Variants in TNNI3K observed in about 807,000 individuals in gnomAD.
TNNI3K encodes TNNI3 interacting kinase.
TNNI3K carries 140 observed loss-of-function variants against 114.5 expected under a neutral mutation model. The observed-to-expected ratio is 1.22, with a 90% CI of 1.07 to 1.41. The LOEUF (loss-of-function observed/expected upper bound fraction) is 1.41, where lower values mean the gene tolerates loss of function less well. TNNI3K is among the 40% of genes most tolerant of loss of function. The pLI, the probability that TNNI3K is intolerant of heterozygous loss-of-function variation, is 0.00. For missense variants in TNNI3K, 1,125 were observed against 1,007.6 expected (o/e 1.12, Z -1.58); for synonymous variants, 347 against 347.5 (o/e 1.00, Z 0.02).
At chr1:74,372,326 A>C (rs1662658339) in intron 17 of TNNI3K, 1 of 151,726 alleles carries the variant, frequency 6.6e-6, no homozygotes, top group Non-Finnish European at 1.5e-5. Flanking sequence ...GGCCTGATAA[A>C]TTTTGTGTTG....
chr1:74,344,961 G>A (rs1660923660), intron 9 of TNNI3K, among the ~76,000 whole-genome samples: 1 of 151,684 alleles, frequency 6.6e-6, no homozygotes, highest in African/African-American at 2.4e-5. Context: ...TTCTGTTGTG[G>A]TTTTCATATG....
chr1:74,266,784 A>T (rs1656019821), intron 4 of TNNI3K, among the ~76,000 whole-genome samples: 1 of 151,980 alleles, frequency 6.6e-6, no homozygotes, highest in Non-Finnish European at 1.5e-5. Context: ...TTAAGTAAGC[A>T]TTGTTTTAGA....
chr1:74,436,655 T>C (rs1266056121), intron 19 of TNNI3K, 129 bp downstream of exon 19: 3 of 879,266 alleles, frequency 3.4e-6, no homozygotes, highest in Non-Finnish European at 4.9e-6. Context: ...GGATAATGGC[T>C]TATGTCTTTA....
chr1:74,533,389 G>A (rs1259459537), intron 23 of TNNI3K, among the ~76,000 whole-genome samples: 2 of 152,084 alleles, frequency 1.3e-5, no homozygotes, highest in African/African-American at 2.4e-5. Flanking sequence ...TTAGAATGGC[G>A]ATCATTAAAA....
chr1:74,430,802 A>G (rs1164185216), intron 17 of TNNI3K, among the ~76,000 whole-genome samples: 2 of 152,290 alleles, frequency 1.3e-5, no homozygotes, highest in East Asian at 3.9e-4. Flanking sequence ...AGGGGAACAA[A>G]GATTCCTTTA....
At chr1:74,432,334 C>A (rs1482170468) in intron 17 of TNNI3K, among the ~76,000 whole-genome samples, 1 of 152,098 alleles carries the variant, frequency 6.6e-6, no homozygotes, top group Non-Finnish European at 1.5e-5. Flanking sequence ...TCATATATAA[C>A]AGAAGACTGC....
intron 4 of TNNI3K, among the ~76,000 whole-genome samples, chr1:74,265,865 C>T (rs1362425520): frequency 6.7e-6 from 1 of 149,846 alleles, no homozygotes; most frequent in Non-Finnish European, 1.5e-5. Flanking sequence ...TGTGCTCCAT[C>T]TGGTTGCACA....
intron 20 of TNNI3K, among the ~76,000 whole-genome samples, chr1:74,439,917 A>G (rs566082582): frequency 1.1e-3 from 164 of 152,064 alleles, no homozygotes; most frequent in Non-Finnish European, 1.5e-3. Flanking sequence ...GGCATGTGAG[A>G]GCAAATAAGG....
rs118064274 is a variant in TNNI3K, at chr1:74,471,157, A to G, written c.2121+7607A>G. ...GCCAGCTGAGTAACAGCTGCTTTCT[A>G]TAGAGCTCTGGTTGACTACACGCAA... On this transcript the variant is annotated intron_variant, in intron 21 of 24. Coordinates refer to ENST00000326637, the MANE Select transcript of TNNI3K (RefSeq NM_015978.3). 96 of 400,670 alleles carry G rather than the reference A, an allele frequency of 2.4e-4. No homozygotes were observed. The East Asian group carries it at 2.9e-3, about 12-fold the overall frequency. 24.8% of individuals were successfully genotyped at this position (400,670 alleles called of 1,614,324 possible).
rs45484191 is a variant in TNNI3K at position 74,321,364 on chromosome 1, T to C, written c.445-10086T>C. ...TCTGCTTCTTAGATGAGTCTTTTCT[T>C]TCGCTTTCTGGCTCCCTTCCTCCCC... On this transcript the variant is annotated intron_variant, in intron 5 of 24. Coordinates refer to ENST00000326637, the MANE Select transcript of TNNI3K (RefSeq NM_015978.3). 5.6e-3 allele frequency among the ~76,000 whole-genome samples: 849 copies of C among 152,260 alleles called. 11 individuals are homozygous for C. Among genetic ancestry groups the C allele is most frequent in the African/African-American group, 0.02 (822 of 41,554 alleles).
intron 23 of TNNI3K, among the ~76,000 whole-genome samples, chr1:74,511,487 G>A (rs576601585): frequency 6.6e-5 from 10 of 152,114 alleles, no homozygotes; most frequent in African/African-American, 2.2e-4. Flanking sequence ...TTACTTACAG[G>A]TGGAAAACAC....
intron 7 of TNNI3K, among the ~76,000 whole-genome samples, chr1:74,336,862 A>C (rs1660498876): frequency 1.3e-5 from 2 of 152,250 alleles, no homozygotes; most frequent in South Asian, 4.1e-4. Context: ...TTGGGTATAT[A>C]CCCAGTAATG....
rs181859869 is a variant in TNNI3K at position 74,337,994 on chromosome 1, G to T, written c.682+1845G>T. Among the ~76,000 whole-genome samples, 238 of 151,986 alleles carry T rather than the reference G, an allele frequency of 1.6e-3. 1 individual carries two copies. Among genetic ancestry groups the T allele is most frequent in the African/African-American group, 5.6e-3 (233 of 41,478 alleles). On this transcript the variant is annotated intron_variant, in intron 7 of 24. Coordinates refer to ENST00000326637, the MANE Select transcript of TNNI3K (RefSeq NM_015978.3). ...GTGTTTTTCTATTATGAATACAATT[G>T]CCAGTAACATTCTTATTCACGTCTT... is the stretch of plus-strand genomic sequence containing the variant.
chr1:74,510,244 C>G (rs1195008851), intron 23 of TNNI3K, among the ~76,000 whole-genome samples: 1 of 152,150 alleles, frequency 6.6e-6, no homozygotes, highest in Non-Finnish European at 1.5e-5. Context: ...CAGTGGCTCA[C>G]GCCTGTAATC....
At chr1:74,251,472 A>C (rs1654925143) in intron 4 of TNNI3K, among the ~76,000 whole-genome samples, 1 of 152,232 alleles carries the variant, frequency 6.6e-6, no homozygotes, top group African/African-American at 2.4e-5. Flanking sequence ...TTTAGTCATT[A>C]AAATAACTGC....
chr1:74,504,837 C>T (rs939646236), intron 23 of TNNI3K, among the ~76,000 whole-genome samples: 1 of 152,190 alleles, frequency 6.6e-6, no homozygotes, highest in Non-Finnish European at 1.5e-5. Flanking sequence ...CTAAAATGCA[C>T]TCCCTCCTAA....
intron 9 of TNNI3K, among the ~76,000 whole-genome samples, chr1:74,345,009 G>A (rs771640236): frequency 9.9e-5 from 15 of 151,846 alleles, no homozygotes; most frequent in East Asian, 7.8e-4. Context: ...GTATATATAT[G>A]TACACGCATA....
intron 17 of TNNI3K, chr1:74,416,340 C>A (rs1324994700): frequency 1.0e-6 from 1 of 985,132 alleles, no homozygotes; most frequent in East Asian, 1.1e-4. Context: ...TGACGGGCTA[C>A]ACTAATGATG....
chr1:74,243,451 T>A (rs548255287), intron 2 of TNNI3K, among the ~76,000 whole-genome samples: 1 of 152,190 alleles, frequency 6.6e-6, no homozygotes, highest in Non-Finnish European at 1.5e-5. Flanking sequence ...ATCCTTACCT[T>A]CTTTCTACAT....
Sources: allele counts gnomAD v4.1 joint callset (sites outside exome capture counted in the v4.1 genomes callset), GRCh38; gene constraint gnomAD v4.1.1; transcripts MANE v1.5; gene names NCBI Gene and HGNC (gene_info 2026-07-23, HGNC 2026-07-21).